MBD5: variants seen among roughly 807,000 people sequenced by gnomAD.
MBD5 encodes methyl-CpG-binding domain protein 5.
MBD5 carries 13 observed loss-of-function variants against 117.3 expected under a neutral mutation model. The observed-to-expected ratio is 0.11, with a 90% CI of 0.07 to 0.18. The LOEUF is 0.18. Among genes scored for constraint, MBD5 ranks in the 10% least tolerant of loss-of-function variants. The probability of loss-of-function intolerance (pLI) is 1.00; values close to 1 mark genes in which losing one functional copy is unlikely to be tolerated. For missense variants in MBD5, 1,879 were observed against 2,093.8 expected (o/e 0.90, Z 2.00); for synonymous variants, 727 against 766.4 (o/e 0.95, Z 0.85).
chr2:148,397,088 C>T (rs964244437), intron 4 of MBD5, among the ~76,000 whole-genome samples: 28 of 152,102 alleles, frequency 1.8e-4, no homozygotes, highest in African/African-American at 6.8e-4. Flanking sequence ...AAATATTACT[C>T]AAGTATATAC....
intron 3 of MBD5, among the ~76,000 whole-genome samples, chr2:148,241,616 C>G (rs997292522): frequency 4.6e-5 from 7 of 152,064 alleles, no homozygotes; most frequent in Non-Finnish European, 8.8e-5. Context: ...CTCCCTGACC[C>G]TCGATTTTCA....
intron 1 of MBD5, among the ~76,000 whole-genome samples, chr2:148,068,260 C>A (rs1451758122): frequency 6.6e-6 from 1 of 152,166 alleles, no homozygotes; most frequent in Admixed American, 6.5e-5. Flanking sequence ...CCTGCAGAGA[C>A]TCCTGCAGAA....
intron 3 of MBD5, among the ~76,000 whole-genome samples, chr2:148,239,930 G>T (rs1487325937): frequency 1.3e-5 from 2 of 152,120 alleles, no homozygotes; most frequent in African/African-American, 4.8e-5. Context: ...ATACCCAAAG[G>T]ATTATAAATC....
intron 3 of MBD5, among the ~76,000 whole-genome samples, chr2:148,339,518 G>GA (rs1395002311): frequency 6.6e-6 from 1 of 152,074 alleles, no homozygotes; most frequent in African/African-American, 2.4e-5. Context: ...GAATCTCAAT[G>GA]AACTCATCTC....
At chr2:148,273,459 T>A (rs2106351043) in intron 3 of MBD5, among the ~76,000 whole-genome samples, 1 of 152,194 alleles carries the variant, frequency 6.6e-6, no homozygotes, top group East Asian at 1.9e-4. Context: ...AGACTGGTGT[T>A]TGGGGTATTT....
At chr2:148,486,666 A>T (rs2105100218) in intron 10 of MBD5, among the ~76,000 whole-genome samples, 1 of 152,360 alleles carries the variant, frequency 6.6e-6, no homozygotes, top group African/African-American at 2.4e-5. Context: ...TTGATTAGAA[A>T]AAAATTAGCA....
intron 11 of MBD5, among the ~76,000 whole-genome samples, chr2:148,497,985 G>T (rs1681754182): frequency 6.6e-6 from 1 of 152,122 alleles, no homozygotes; most frequent in Non-Finnish European, 1.5e-5. Context: ...GAGAACTGAA[G>T]CTCAGAGAAG....
In MBD5 at chr2:148,275,030, G is replaced by A. The variant is rs148918665; in HGVS notation, c.-680+41635G>A. 8.5e-5 allele frequency among the ~76,000 whole-genome samples: 13 copies of A among 152,086 alleles called. 1 individual carries two copies. In the East Asian group the frequency reaches 1.7e-3, roughly 20 times the overall value. ...ACAGGCGTGAGCCACTGTGCCTGGC[G>A]TCTTTTCTTACATATGGTTGTGTGA... On this transcript the variant is annotated intron_variant, in intron 3 of 13. Transcript: ENST00000642680.
At chr2:148,334,469 A>G (rs1400183885) in intron 3 of MBD5, among the ~76,000 whole-genome samples, 4 of 151,868 alleles carry the variant, frequency 2.6e-5, no homozygotes, top group Non-Finnish European at 4.4e-5. Flanking sequence ...AGCAGTTGAG[A>G]CTACATGTGT....
chr2:148,480,831 G>A (rs950456230), intron 8 of MBD5, among the ~76,000 whole-genome samples: 5 of 151,638 alleles, frequency 3.3e-5, no homozygotes, highest in African/African-American at 1.2e-4. Context: ...TTTTCAAAGA[G>A]GAGTTTTTAA....
intron 2 of MBD5, among the ~76,000 whole-genome samples, chr2:148,224,197 T>C (rs1699759979): frequency 6.6e-6 from 1 of 152,166 alleles, no homozygotes. Context: ...TCTGCAGCCA[T>C]TGGATGAACT....
In MBD5 at chr2:148,184,271, C is replaced by G. The variant is rs975795711; in HGVS notation, c.-831+5478C>G. The stretch of plus-strand genomic sequence containing the variant: ...CAAGTGGTCCTCCCGCCTTGGCTTC[C>G]CACAGTGCTGGGATTGTAGGTGTGA... On this transcript the variant is annotated intron_variant, in intron 2 of 13. Coordinates refer to ENST00000642680, the MANE Select transcript of MBD5 (RefSeq NM_001378120.1). Among the ~76,000 whole-genome samples, 4 of 152,134 alleles carry G rather than the reference C, an allele frequency of 2.6e-5. No individual in the cohort carries two copies. In the South Asian group the frequency reaches 6.2e-4, roughly 24 times the overall value.
intron 5 of MBD5, among the ~76,000 whole-genome samples, chr2:148,459,117 A>G (rs879629841): frequency 2.6e-5 from 4 of 152,156 alleles, no homozygotes; most frequent in Non-Finnish European, 5.9e-5. Flanking sequence ...TTTCTAAAAG[A>G]AACATGCAAT....
chr2:148,215,612 C>G (rs1269486773), intron 2 of MBD5, among the ~76,000 whole-genome samples: 1 of 151,868 alleles, frequency 6.6e-6, no homozygotes, highest in African/African-American at 2.4e-5. Context: ...GCCTGGAACT[C>G]CAGGCCTCAG....
intron 1 of MBD5, among the ~76,000 whole-genome samples, chr2:148,120,163 G>A (rs796220948): frequency 2.0e-4 from 30 of 152,174 alleles, no homozygotes; most frequent in African/African-American, 5.3e-4. Flanking sequence ...ATCCTTTTGC[G>A]TCGGCCTCCT....
chr2:148,023,570 A>G (rs1693824205), intron 1 of MBD5, among the ~76,000 whole-genome samples: 1 of 152,204 alleles, frequency 6.6e-6, no homozygotes, highest in African/African-American at 2.4e-5. Flanking sequence ...CAATACTGCC[A>G]TTCCAAGTCC....
At chr2:148,028,535 T>G (rs1243991146) in intron 1 of MBD5, 1 of 152,082 alleles carries the variant, frequency 6.6e-6, no homozygotes, top group Non-Finnish European at 1.5e-5. Flanking sequence ...TCCAGAAGTA[T>G]CTACTAATCT....
chr2:148,396,213 G>T (rs1415855169), intron 4 of MBD5, among the ~76,000 whole-genome samples: 1 of 152,172 alleles, frequency 6.6e-6, no homozygotes, highest in African/African-American at 2.4e-5. Context: ...GGATACAGAG[G>T]CAGTCAACTG....
At chr2:148,206,144 GAC>G (rs909735700) in intron 2 of MBD5, among the ~76,000 whole-genome samples, 3 of 150,710 alleles carry the variant, frequency 2.0e-5, no homozygotes, top group African/African-American at 7.3e-5. Context: ...AAAATAGAGA[GAC>G]ACACACACAC....
Sources: gnomAD v4.1 joint callset for allele counts (sites outside exome capture counted in the v4.1 genomes callset) on GRCh38, gnomAD v4.1.1 for gene constraint, MANE v1.5 for transcripts, NCBI Gene and HGNC (gene_info 2026-07-23, HGNC 2026-07-21) for gene names.